The following MAD1L1 variants were observed in gnomAD, a reference collection of about 807,000 sequenced individuals.
The protein encoded by MAD1L1 is mitotic spindle assembly checkpoint protein MAD1.
A neutral mutation model predicts 96.9 loss-of-function variants in MAD1L1; 95 were observed. That is an observed-to-expected ratio of 0.98 (90% CI 0.83 to 1.16). The LOEUF (loss-of-function observed/expected upper bound fraction) is 1.16, where lower values mean the gene tolerates loss of function less well. Ranked by LOEUF, MAD1L1 falls within the 50% of genes most tolerant of loss-of-function variation. MAD1L1 has a pLI of 0.00. For synonymous variants in MAD1L1, 473 were observed against 396.6 expected, an observed-to-expected ratio of 1.19 and a Z score of -2.29; for missense variants, 1,007 against 954.4, an observed-to-expected ratio of 1.06 and a Z score of -0.73.
rs140877985 is a variant in MAD1L1 at position 1,922,903 on chromosome 7, C to T, written c.1807+13784G>A. Among the ~76,000 whole-genome samples the T allele has an allele frequency of 2.4e-4, 36 of 152,322 alleles. No homozygotes were observed. The East Asian group carries it at 5.8e-3, about 24-fold the overall frequency. The stretch of plus-strand genomic sequence containing the variant: ...AATTTTTCCTTTTGGCGAGCTGACG[C>T]GATGGATTGTACCAGCTGACGCTCG... On this transcript the variant is annotated intron_variant, in intron 17 of 18. Transcript: ENST00000265854.
intron 13 of MAD1L1, among the ~76,000 whole-genome samples, chr7:2,008,998 T>C (rs530861577): frequency 1.5e-3 from 235 of 152,226 alleles, no homozygotes; most frequent in Admixed American, 3.5e-3. Context: ...GGAAAACCAG[T>C]ACGAGCAGGC....
intron 18 of MAD1L1, among the ~76,000 whole-genome samples, chr7:1,871,108 T>C (rs1785061185): frequency 7.1e-6 from 1 of 141,348 alleles, no homozygotes; most frequent in Non-Finnish European, 1.5e-5. Flanking sequence ...GAACCCACCG[T>C]AACACCTGCC....
Position 1,820,216 on chromosome 7 carries a change from TAAAAA to T in MAD1L1, c.1999-3993_1999-3989del, listed in dbSNP as rs550316624. On this transcript the variant is annotated intron_variant, in intron 18 of 18. Transcript: ENST00000265854. ...GTCAAATGGGATGCCTCGAAGGAAATAAAAAAGAGAACAGAATGGAAACAAGAATA... is the reference window on the plus strand; with the variant it reads ...GTCAAATGGGATGCCTCGAAGGAAATAGAGAACAGAATGGAAACAAGAATA... Among the ~76,000 whole-genome samples the T allele has an allele frequency of 7.3e-3, 1,111 of 151,738 alleles. 14 individuals are homozygous for T. Among genetic ancestry groups the T allele is most frequent in the African/African-American group, 0.025 (1,049 of 41,348 alleles).
intron 15 of MAD1L1, among the ~76,000 whole-genome samples, chr7:1,964,895 A>G (rs1583934499): frequency 6.6e-6 from 1 of 152,122 alleles, no homozygotes; most frequent in Non-Finnish European, 1.5e-5. Flanking sequence ...GGGCCTGGAG[A>G]GGGGACAGTA....
At chr7:2,014,466 C>T (rs1782441387) in intron 13 of MAD1L1, 36 bp downstream of exon 13, 1 of 1,527,026 alleles carries the variant, frequency 6.5e-7, no homozygotes. Context: ...AGAAGCCCCA[C>T]CTGGCGACGT....
chr7:2,143,077 G>A (rs1284694946), intron 11 of MAD1L1, among the ~76,000 whole-genome samples: 13 of 152,020 alleles, frequency 8.6e-5, no homozygotes, highest in African/African-American at 2.7e-4. Flanking sequence ...AGCAGGACAC[G>A]GTGCCAGTGA....
intron 18 of MAD1L1, among the ~76,000 whole-genome samples, chr7:1,859,371 T>C (rs1174195162): frequency 2.0e-5 from 3 of 152,204 alleles, no homozygotes; most frequent in Non-Finnish European, 2.9e-5. Flanking sequence ...CCCCGTTGAT[T>C]CCAACTCATT....
chr7:2,031,618 G>A (rs75524876), intron 12 of MAD1L1, among the ~76,000 whole-genome samples: 3,664 of 152,328 alleles, frequency 0.024, 147 homozygotes, highest in African/African-American at 0.084. Context: ...TGACGACGTG[G>A]GTGCCGTGCA....
intron 18 of MAD1L1, among the ~76,000 whole-genome samples, chr7:1,863,324 G>C (rs556204841): frequency 6.6e-6 from 1 of 152,272 alleles, no homozygotes; most frequent in Non-Finnish European, 1.5e-5. Flanking sequence ...GTGAGGGTCC[G>C]CAGAGAGCCT....
chr7:1,973,496 C>G (rs1343766740), intron 15 of MAD1L1, among the ~76,000 whole-genome samples: 1 of 152,160 alleles, frequency 6.6e-6, no homozygotes, highest in Non-Finnish European at 1.5e-5. Context: ...TGGATGCGAG[C>G]TGGGCCCCTA....
chr7:1,818,245 A>G (rs1403321545), intron 18 of MAD1L1, among the ~76,000 whole-genome samples: 1 of 152,022 alleles, frequency 6.6e-6, no homozygotes, highest in Non-Finnish European at 1.5e-5. Flanking sequence ...CTCCCAACCC[A>G]GGGCTGGCAA....
At chr7:2,049,261 C>G (rs1006207856) in intron 12 of MAD1L1, among the ~76,000 whole-genome samples, 1 of 152,166 alleles carries the variant, frequency 6.6e-6, no homozygotes, top group Non-Finnish European at 1.5e-5. Context: ...TTTTCTGATT[C>G]CAGCTCCTAG....
intron 14 of MAD1L1, among the ~76,000 whole-genome samples, chr7:1,981,247 G>A (rs1053476985): frequency 5.3e-5 from 8 of 152,216 alleles, no homozygotes; most frequent in African/African-American, 7.2e-5. Flanking sequence ...GATGACAAGC[G>A]TGAGCCGGTG....
At chr7:2,039,642 TA>T (rs1465348859) in intron 12 of MAD1L1, among the ~76,000 whole-genome samples, 2 of 152,212 alleles carry the variant, frequency 1.3e-5, no homozygotes, top group African/African-American at 4.8e-5. Flanking sequence ...CTGTCATCTG[TA>T]TATGTTATTT....
intron 11 of MAD1L1, among the ~76,000 whole-genome samples, chr7:2,094,680 G>A (rs115566155): frequency 0.012 from 1,821 of 152,222 alleles, 21 homozygotes; most frequent in African/African-American, 0.031. Flanking sequence ...AGAAGGCCCC[G>A]GGACAGGAGC....
At chr7:2,082,292 C>T (rs187432584) in intron 11 of MAD1L1, among the ~76,000 whole-genome samples, 18 of 151,508 alleles carry the variant, frequency 1.2e-4, no homozygotes, top group Non-Finnish European at 2.5e-4. Flanking sequence ...GGAAGGAGAG[C>T]GGGGACCATG....
In MAD1L1 at chr7:1,980,495, T is replaced by C; in HGVS notation, c.1463A>G (p.Glu488Gly). ...KMLKSQSSSA[E>G]QSFLFSREEA... is the part of the protein sequence containing the mutation. The stretch of plus-strand genomic sequence containing the variant: ...CTCCCTGGAGAACAGGAAGCTCTGT[T>C]CGGCAGAGCTGGACTGAGACTTCAG... The change falls in exon 15 of 19, where the codon GAA becomes GGA. Residue 488 changes from glutamate to glycine, a missense_variant. Transcript: ENST00000265854. 6.2e-7 allele frequency: 1 copy of C among 1,613,254 alleles called. No individual in the cohort carries two copies. Among genetic ancestry groups the C allele is most frequent in the Non-Finnish European group, 8.5e-7 (1 of 1,179,812 alleles).
rs577984397 is a variant in MAD1L1 at position 1,968,177 on chromosome 7, G to A, written c.1506-10458C>T. 1.3e-3 allele frequency among the ~76,000 whole-genome samples: 200 copies of A among 152,364 alleles called. No individual in the cohort carries two copies. The highest frequency in any genetic ancestry group is 4.7e-3 in the African/African-American group (196 of 41,584). ...AAAGTGCAAACAGCTTCGCGGACGA[G>A]GCACCCGGCAGAGCACGCCTCAATC... On this transcript the variant is annotated intron_variant, in intron 15 of 18. Coordinates refer to ENST00000265854, the MANE Select transcript of MAD1L1 (RefSeq NM_001013836.2). This position sits in a 1 kb window ranked among gnomAD's most constrained non-coding sequence, Gnocchi z 5.6.
At chr7:1,987,155 G>A (rs924013225) in intron 14 of MAD1L1, among the ~76,000 whole-genome samples, 3 of 152,160 alleles carry the variant, frequency 2.0e-5, no homozygotes. Flanking sequence ...TCCCCTGCCA[G>A]CTGGAAGTGC....
Sources: allele counts gnomAD v4.1 joint callset (sites outside exome capture counted in the v4.1 genomes callset), GRCh38; gene constraint gnomAD v4.1.1; non-coding constraint Gnocchi (gnomAD v3.1); transcripts MANE v1.5; gene names NCBI Gene and HGNC (gene_info 2026-07-23, HGNC 2026-07-21).